The following SASH1 variants were observed in gnomAD, a reference collection of about 807,000 sequenced individuals.
SASH1 encodes SAM and SH3 domain containing 1.
SASH1 carries 44 observed loss-of-function variants against 125.2 expected under a neutral mutation model. The ratio of observed to expected loss-of-function variants is 0.35; its 90% CI spans 0.28 to 0.45. The LOEUF is 0.45. SASH1 is among the 20% of genes least tolerant of loss of function. The probability of loss-of-function intolerance (pLI) is 1.00; values close to 1 mark genes in which losing one functional copy is unlikely to be tolerated. For synonymous variants in SASH1, 639 were observed against 649.1 expected (o/e 0.98, Z 0.24); for missense variants, 1,426 against 1,614.5 (o/e 0.88, Z 2.00).
intron 8 of SASH1, among the ~76,000 whole-genome samples, chr6:148,498,730 G>A (rs575936991): frequency 2.0e-5 from 3 of 152,290 alleles, no homozygotes; most frequent in African/African-American, 4.8e-5. Flanking sequence ...TTAGAGATTG[G>A]CATTTCAGTT....
At chr6:148,302,320 A>G in intron 1 of SASH1, among the ~76,000 whole-genome samples, 1 of 130,890 alleles carries the variant, frequency 7.6e-6, no homozygotes, top group Admixed American at 7.4e-5. Flanking sequence ...TCAAAAAAAA[A>G]AAAAAAAAAA....
In SASH1 at chr6:148,320,474, G is replaced by C. The variant is rs1160213483; in HGVS notation, n.74+48097G>C. ...TGTGTATTCTGTTACAGCAGGCTTT[G>C]GAATCATCTACTCAGCCAAGGGACT... On this transcript the variant is annotated intron_variant and non_coding_transcript_variant, in intron 1 of 3. Transcript: ENST00000367469. Among the ~76,000 whole-genome samples, 4 of 152,304 alleles carry C rather than the reference G, an allele frequency of 2.6e-5. No individual in the cohort carries two copies. In the East Asian group the frequency reaches 5.8e-4, roughly 22 times the overall value.
At chr6:148,298,325 C>T (rs945568046) in intron 1 of SASH1, among the ~76,000 whole-genome samples, 1 of 151,940 alleles carries the variant, frequency 6.6e-6, no homozygotes, top group African/African-American at 2.4e-5. Context: ...ATTATAATTT[C>T]TTATGTGGCA....
intron 4 of SASH1, among the ~76,000 whole-genome samples, chr6:148,458,183 TCTTC>T (rs1345395668): frequency 6.6e-6 from 1 of 152,228 alleles, no homozygotes; most frequent in African/African-American, 2.4e-5. Context: ...TATGGAACTT[TCTTC>T]CTTATGATAA....
the SASH1 span, among the ~76,000 whole-genome samples, chr6:148,233,484 T>A: frequency 6.6e-6 from 1 of 152,144 alleles, no homozygotes; most frequent in Non-Finnish European, 1.5e-5. Context: ...ATTGTGTATG[T>A]ACTATGTGCC....
upstream of SASH1, among the ~76,000 whole-genome samples, chr6:148,341,529 T>A (rs186357331): frequency 3.9e-5 from 6 of 152,260 alleles, no homozygotes; most frequent in Admixed American, 2.6e-4. Flanking sequence ...TTTGAAAATG[T>A]TTTTACATTT....
At chr6:148,507,849 T>C (rs1039327828) in intron 8 of SASH1, among the ~76,000 whole-genome samples, 2 of 152,302 alleles carry the variant, frequency 1.3e-5, no homozygotes, top group Admixed American at 6.5e-5. Context: ...GCAACTCACA[T>C]TGTGCTGTGA....
At chr6:148,242,037 G>A in the SASH1 span, among the ~76,000 whole-genome samples, 1 of 152,238 alleles carries the variant, frequency 6.6e-6, no homozygotes, top group East Asian at 1.9e-4. Context: ...TAAACAAAAT[G>A]GTCATGAATG....
upstream of SASH1, among the ~76,000 whole-genome samples, chr6:148,341,434 A>G (rs1432111639): frequency 6.6e-6 from 1 of 151,222 alleles, no homozygotes; most frequent in Non-Finnish European, 1.5e-5. Context: ...CAGCCTCCCA[A>G]AGTGCTGGGA....
chr6:148,518,241 G>A (rs1780555694), intron 9 of SASH1, among the ~76,000 whole-genome samples: 1 of 152,118 alleles, frequency 6.6e-6, no homozygotes, highest in Non-Finnish European at 1.5e-5. Context: ...CCCCCTGAAA[G>A]ATCCCTGAAC....
the SASH1 span, among the ~76,000 whole-genome samples, chr6:148,214,104 G>A: frequency 6.6e-6 from 1 of 152,160 alleles, no homozygotes; most frequent in Admixed American, 6.5e-5. Flanking sequence ...TTACCTTTAT[G>A]ACAGTTCTGT....
rs139892427 is a variant in SASH1, at chr6:148,544,112, C to T, written c.2642C>T (p.Pro881Leu). 117 of 1,613,932 alleles carry T rather than the reference C, an allele frequency of 7.2e-5. No individual in the cohort carries two copies. In the Middle Eastern group the frequency reaches 9.9e-4, roughly 14 times the overall value. The change falls in exon 18 of 20, where the codon CCC becomes CTC. Residue 881 changes from proline (P) to leucine (L), a missense_variant. Pro to Leu is a moderately conservative substitution (Grantham distance 98). Around this residue, in one of 3 missense-constraint regions of SASH1, gnomAD observed 634 missense variants for 694.4 expected, o/e 0.91. Transcript: ENST00000367467. This position sits in a 1 kb window ranked among gnomAD's most constrained non-coding sequence, Gnocchi z 6.4. ...ACCGCCTCTTCCACGAAGGCCCAGC[C>T]CCTGGAGCAAGACTCTGCTGTCGAC... ...KTTASSTKAQ[P>L]LEQDSAVDNA...
At chr6:148,441,260 G>A (rs1397004025) in intron 4 of SASH1, among the ~76,000 whole-genome samples, 3 of 152,230 alleles carry the variant, frequency 2.0e-5, no homozygotes, top group Non-Finnish European at 4.4e-5. Context: ...GGGAGAGCGT[G>A]TGTGTGCTTT....
At chr6:148,449,269 C>T (rs1776973473) in intron 4 of SASH1, among the ~76,000 whole-genome samples, 1 of 150,880 alleles carries the variant, frequency 6.6e-6, no homozygotes, top group African/African-American at 2.4e-5. Context: ...AGGGTTTCAC[C>T]ATATTGGCCA....
intron 1 of SASH1, among the ~76,000 whole-genome samples, chr6:148,374,706 G>GT (rs1562361331): frequency 9.6e-6 from 1 of 104,120 alleles, no homozygotes; most frequent in East Asian, 2.3e-4. Flanking sequence ...ATTTTTTTTG[G>GT]GGGGGGGGGA....
chr6:148,519,468 A>ATG lies in SASH1; in HGVS notation c.863-79_863-78insTG. 1 of 1,033,592 alleles carries ATG rather than the reference A, an allele frequency of 9.7e-7. No homozygotes were observed. Among genetic ancestry groups the ATG allele is most frequent in the Non-Finnish European group, 1.5e-6 (1 of 688,068 alleles). 64.0% of individuals were successfully genotyped at this position (1,033,592 alleles called of 1,614,324 possible). On this transcript the variant is annotated intron_variant, in intron 9 of 19. Transcript: ENST00000367467. The surrounding 1 kb of genome is among the most constrained non-coding windows in gnomAD (Gnocchi z 4.8). ...TTATAAAGAGGGTCATGATACGGAG[A>ATG]AAGGTGGTGAATGTAAAGAAAGATG...
chr6:148,535,212 C>T (rs191968048), intron 16 of SASH1, among the ~76,000 whole-genome samples: 6 of 152,312 alleles, frequency 3.9e-5, no homozygotes, highest in South Asian at 2.1e-4. Flanking sequence ...CAAAAGAAAA[C>T]CTCCTGTGCC....
chr6:148,418,273 A>G (rs1249121431), intron 2 of SASH1, among the ~76,000 whole-genome samples: 2 of 152,156 alleles, frequency 1.3e-5, no homozygotes, highest in Non-Finnish European at 2.9e-5. Flanking sequence ...ACTTTTATGT[A>G]TTTCCTTACC....
At chr6:148,388,131 T>C (rs962587714) in intron 1 of SASH1, among the ~76,000 whole-genome samples, 44 of 151,984 alleles carry the variant, frequency 2.9e-4, no homozygotes, top group African/African-American at 9.9e-4. Flanking sequence ...GTGAGGCTGG[T>C]CTCGAACTCC....
Sources: gnomAD v4.1 joint callset for allele counts (sites outside exome capture counted in the v4.1 genomes callset) on GRCh38, gnomAD v4.1.1 for gene constraint, gnomAD v4.1.1 regional missense constraint, Gnocchi (gnomAD v3.1) non-coding constraint, MANE v1.5 for transcripts, NCBI Gene and HGNC (gene_info 2026-07-23, HGNC 2026-07-21) for gene names.